Variants in PSD3 observed in about 807,000 individuals in gnomAD.
The protein encoded by PSD3 is PH and SEC7 domain-containing protein 3.
Under a neutral mutation model 105.5 loss-of-function variants are expected in PSD3, and 49 were observed. The observed-to-expected ratio is 0.46, with a 90% CI of 0.37 to 0.59. The LOEUF is 0.59. Among genes scored for constraint, PSD3 ranks in the 20% least tolerant of loss-of-function variants. The probability of loss-of-function intolerance (pLI) is 0.00; values close to 1 mark genes in which losing one functional copy is unlikely to be tolerated. For synonymous variants in PSD3, 557 were observed against 457.8 expected, an observed-to-expected ratio of 1.22 and a Z score of -2.77; for missense variants, 1,561 against 1,263.8, an observed-to-expected ratio of 1.24 and a Z score of -3.57.
At chr8:18,790,027 C>A (rs1455280702) in intron 8 of PSD3, among the ~76,000 whole-genome samples, 1 of 151,980 alleles carries the variant, frequency 6.6e-6, no homozygotes, top group African/African-American at 2.4e-5. Context: ...CATATATAAA[C>A]CTGTTCTTAA....
Position 18,533,535 on chromosome 8 carries a change from G to C in PSD3, c.*2208C>G, listed in dbSNP as rs577425782. On this transcript the variant is annotated 3_prime_UTR_variant, in exon 16 of 16. Transcript: ENST00000327040. ...TACTCTAAATGTCAGAAATACTGTA[G>C]CAAGGTACCATTCAATGTATATTAA... The C allele has an allele frequency of 6.6e-6, 1 of 152,230 alleles. No individual in the cohort carries two copies. The highest frequency in any genetic ancestry group is 1.9e-4 in the East Asian group (1 of 5,178). 9.4% of individuals were successfully genotyped at this position (152,230 alleles called of 1,614,324 possible).
intron 2 of PSD3, among the ~76,000 whole-genome samples, chr8:18,934,311 G>A (rs941847801): frequency 3.3e-5 from 5 of 152,086 alleles, no homozygotes; most frequent in Admixed American, 6.5e-5. Flanking sequence ...TTATAATATC[G>A]GCCTCAAAGG....
chr8:19,058,459 TAGC>T (rs1333661587), intron 1 of PSD3, among the ~76,000 whole-genome samples: 1 of 148,338 alleles, frequency 6.7e-6, no homozygotes, highest in Non-Finnish European at 1.5e-5. Context: ...TAATATATAA[TAGC>T]ATATACAATA....
chr8:18,789,300 T>C (rs189317537), intron 8 of PSD3, among the ~76,000 whole-genome samples: 3 of 152,300 alleles, frequency 2.0e-5, no homozygotes, highest in African/African-American at 7.2e-5. Flanking sequence ...TCTGATACAC[T>C]GCAACCGACT....
At chr8:18,703,871 G>A (rs1416198682) in intron 9 of PSD3, among the ~76,000 whole-genome samples, 2 of 152,136 alleles carry the variant, frequency 1.3e-5, no homozygotes, top group African/African-American at 4.8e-5. Flanking sequence ...ATTTGACAAT[G>A]AATTTCACAT....
intron 9 of PSD3, among the ~76,000 whole-genome samples, 163 bp downstream of exon 9, chr8:18,765,286 T>C (rs1806881082): frequency 6.6e-6 from 1 of 152,184 alleles, no homozygotes. Flanking sequence ...TTAAGGTACT[T>C]TGCAGCACGA....
In PSD3 at chr8:18,762,380, C is replaced by T. The variant is rs567190740; in HGVS notation, c.2172+3069G>A. Among the ~76,000 whole-genome samples the T allele has an allele frequency of 7.2e-5, 11 of 152,298 alleles. 1 individual carries two copies. The South Asian group carries it at 2.3e-3, about 32-fold the overall frequency. On this transcript the variant is annotated intron_variant, in intron 9 of 15. Coordinates refer to ENST00000327040, the MANE Select transcript of PSD3 (RefSeq NM_015310.4). ...AAGCCAAGCAGATGCCAGCATCAGG[C>T]TTTCTGTACAGCCCGCAGAACCATG...
intron 2 of PSD3, among the ~76,000 whole-genome samples, chr8:18,934,220 T>G (rs995688146): frequency 2.6e-5 from 4 of 152,326 alleles, no homozygotes; most frequent in Admixed American, 2.0e-4. Context: ...AACAGCTGTA[T>G]GTATTAAGTC....
At chr8:18,941,858 A>C (rs1344809103) in intron 1 of PSD3, among the ~76,000 whole-genome samples, 1 of 151,614 alleles carries the variant, frequency 6.6e-6, no homozygotes, top group East Asian at 1.9e-4. Context: ...TTTTTAGTAG[A>C]GACAGGGTTT....
intron 2 of PSD3, among the ~76,000 whole-genome samples, chr8:18,913,349 T>C (rs1167188567): frequency 1.3e-5 from 2 of 152,174 alleles, no homozygotes; most frequent in Non-Finnish European, 2.9e-5. Context: ...GTTCATTTTT[T>C]TTTTCTTTAG....
intron 12 of PSD3, among the ~76,000 whole-genome samples, chr8:18,589,828 G>C (rs1178905972): frequency 1.3e-5 from 2 of 152,214 alleles, no homozygotes; most frequent in South Asian, 4.1e-4. Flanking sequence ...GTGGGCAAGG[G>C]TCCCCTGCCC....
At chr8:18,786,055 T>C (rs1031220079) in intron 8 of PSD3, among the ~76,000 whole-genome samples, 1 of 152,166 alleles carries the variant, frequency 6.6e-6, no homozygotes, top group Non-Finnish European at 1.5e-5. Flanking sequence ...ACGCCTATAC[T>C]TAAACTTACA....
intron 10 of PSD3, among the ~76,000 whole-genome samples, chr8:18,647,370 G>A (rs1221994542): frequency 6.6e-6 from 1 of 152,170 alleles, no homozygotes; most frequent in East Asian, 1.9e-4. Flanking sequence ...ATGGGAAATA[G>A]TTTAACTTAT....
intron 9 of PSD3, among the ~76,000 whole-genome samples, chr8:18,748,889 G>A (rs1369045162): frequency 6.6e-6 from 1 of 152,140 alleles, no homozygotes; most frequent in Non-Finnish European, 1.5e-5. Context: ...AAAGGAGAGT[G>A]GGAGACTTTT....
intron 10 of PSD3, among the ~76,000 whole-genome samples, chr8:18,638,814 C>A (rs1051551487): frequency 3.3e-5 from 5 of 152,112 alleles, no homozygotes; most frequent in Admixed American, 6.5e-5. Flanking sequence ...AAGCTGGAGG[C>A]ATAGTTTTTT....
chr8:18,607,431 T>C (rs1804922883), intron 11 of PSD3, among the ~76,000 whole-genome samples: 1 of 152,166 alleles, frequency 6.6e-6, no homozygotes, highest in Admixed American at 6.5e-5. Context: ...GGTTATAACC[T>C]CCATCTCACA....
rs1310698115 is a variant in PSD3 at position 18,936,026 on chromosome 8, ATACT to A, written c.130+4_130+7del. 4.5e-6 allele frequency: 7 copies of A among 1,572,760 alleles called. No individual in the cohort carries two copies. The highest frequency in any genetic ancestry group is 2.2e-5 in the South Asian group (2 of 89,990). On this transcript the variant is annotated splice_donor_5th_base_variant and intron_variant, in intron 2 of 15. Coordinates refer to ENST00000327040, the MANE Select transcript of PSD3 (RefSeq NM_015310.4). Reference sequence around the variant, plus strand: ...TTACCTGGGAGAGGGATATGAGGAAATACTTACTAGTATCTGGAGCTTTCCCTTC... The same window carrying A: ...TTACCTGGGAGAGGGATATGAGGAAATACTAGTATCTGGAGCTTTCCCTTC...
chr8:18,743,296 T>G (rs561410315), intron 9 of PSD3, among the ~76,000 whole-genome samples: 101 of 152,242 alleles, frequency 6.6e-4, no homozygotes, highest in African/African-American at 2.3e-3. Flanking sequence ...CTTCTTTTCA[T>G]AGAGGAGCGG....
At chr8:18,876,663 G>A (rs1273789790) in intron 2 of PSD3, among the ~76,000 whole-genome samples, 1 of 152,144 alleles carries the variant, frequency 6.6e-6, no homozygotes, top group Non-Finnish European at 1.5e-5. Flanking sequence ...GCCTCCTAAA[G>A]CGCTGGCATT....
Sources: allele counts gnomAD v4.1 joint callset (sites outside exome capture counted in the v4.1 genomes callset), GRCh38; gene constraint gnomAD v4.1.1; transcripts MANE v1.5; gene names NCBI Gene and HGNC (gene_info 2026-07-23, HGNC 2026-07-21).